Variants in RNGTT observed in about 807,000 individuals in gnomAD.
RNGTT encodes RNA guanylyltransferase and 5'-phosphatase, also known as mRNA-capping enzyme.
In RNGTT, 33 loss-of-function variants were observed where a neutral mutation model predicts 79.3. The ratio of observed to expected loss-of-function variants is 0.42; its 90% CI spans 0.32 to 0.56. The LOEUF (loss-of-function observed/expected upper bound fraction) is 0.56, where lower values mean the gene tolerates loss of function less well. Among genes scored for constraint, RNGTT ranks in the 20% least tolerant of loss-of-function variants. The probability of loss-of-function intolerance (pLI) is 0.17; values close to 1 mark genes in which losing one functional copy is unlikely to be tolerated. For missense variants in RNGTT, 497 were observed against 739.1 expected (o/e 0.67, Z 3.80); for synonymous variants, 222 against 235.9 (o/e 0.94, Z 0.54).
At chr6:88,726,810 T>C (rs1393281079) in intron 13 of RNGTT, among the ~76,000 whole-genome samples, 1 of 152,234 alleles carries the variant, frequency 6.6e-6, no homozygotes, top group African/African-American at 2.4e-5. Context: ...AATGAGGTCT[T>C]ATTAAAAGCA....
At chr6:88,736,457 T>C (rs1048678707) in intron 13 of RNGTT, among the ~76,000 whole-genome samples, 1 of 152,200 alleles carries the variant, frequency 6.6e-6, no homozygotes, top group African/African-American at 2.4e-5. Flanking sequence ...GGATATTCAC[T>C]CAGGAGAATG....
At chr6:88,844,625 T>A (rs1781428230) in intron 10 of RNGTT, 104 bp from the exon 11 acceptor site, 1 of 1,068,860 alleles carries the variant, frequency 9.4e-7, no homozygotes, top group Non-Finnish European at 1.4e-6. Flanking sequence ...GTAAACAGCA[T>A]CCTCTGGAGT....
intron 14 of RNGTT, among the ~76,000 whole-genome samples, chr6:88,650,940 A>G (rs972938108): frequency 1.3e-5 from 2 of 152,184 alleles, no homozygotes; most frequent in Non-Finnish European, 2.9e-5. Context: ...AGATAATATT[A>G]TAATAAGAAG....
intron 13 of RNGTT, among the ~76,000 whole-genome samples, chr6:88,700,983 G>C (rs576695517): frequency 2.6e-5 from 4 of 152,178 alleles, no homozygotes; most frequent in South Asian, 4.1e-4. Flanking sequence ...AAATATTGAA[G>C]TTCATGGTTA....
chr6:88,628,214 G>A (rs1772710131), intron 14 of RNGTT, among the ~76,000 whole-genome samples: 1 of 152,054 alleles, frequency 6.6e-6, no homozygotes, highest in African/African-American at 2.4e-5. Flanking sequence ...AAGCCACTCA[G>A]AAAATGTTGA....
At chr6:88,722,665 G>A (rs1462572152) in intron 13 of RNGTT, among the ~76,000 whole-genome samples, 1 of 152,134 alleles carries the variant, frequency 6.6e-6, no homozygotes, top group Non-Finnish European at 1.5e-5. Context: ...TTATTTCCAG[G>A]CTTTTGACAA....
At position 88,723,790 on chromosome 6, in the gene RNGTT, T is replaced by C. The variant is rs894400188; in HGVS notation, c.1440-45371A>G. Among the ~76,000 whole-genome samples, 8 of 152,154 alleles carry C rather than the reference T, an allele frequency of 5.3e-5. No homozygotes were observed. In the South Asian group the frequency reaches 1.5e-3, roughly 28 times the overall value. On this transcript the variant is annotated intron_variant, in intron 13 of 15. Coordinates refer to ENST00000369485, the MANE Select transcript of RNGTT (RefSeq NM_003800.5). ...CCCAGACTGGAGTGCAGTGGTGCAA[T>C]GTGGGCTCATTGCAACCTCCGCCTC...
chr6:88,650,103 G>T (rs1480935948), intron 14 of RNGTT, among the ~76,000 whole-genome samples: 1 of 152,024 alleles, frequency 6.6e-6, no homozygotes, highest in Non-Finnish European at 1.5e-5. Context: ...CTCCTAAAAG[G>T]GTCTGGGAGC....
intron 13 of RNGTT, among the ~76,000 whole-genome samples, chr6:88,745,751 A>C (rs2127827680): frequency 6.6e-6 from 1 of 151,678 alleles, no homozygotes; most frequent in South Asian, 2.1e-4. Context: ...TATCTGAAGT[A>C]TGTGTCGTAT....
chr6:88,845,157 G>T (rs1781445059), intron 10 of RNGTT, among the ~76,000 whole-genome samples: 1 of 151,330 alleles, frequency 6.6e-6, no homozygotes, highest in South Asian at 2.1e-4. Flanking sequence ...ACCAAAATAG[G>T]TCGCACAGTT....
In RNGTT at chr6:88,655,582, T is replaced by C. The variant is rs572789444; in HGVS notation, c.1506+22771A>G. 2.6e-5 allele frequency among the ~76,000 whole-genome samples: 4 copies of C among 152,324 alleles called. No homozygotes were observed. The South Asian group carries it at 6.2e-4, about 24-fold the overall frequency. ...AGACTGAGGCAGGGAATAATGTTGC[T>C]GTACTGACTGAAAAATAACTGCCTT... On this transcript the variant is annotated intron_variant, in intron 14 of 15. Coordinates refer to ENST00000369485, the MANE Select transcript of RNGTT (RefSeq NM_003800.5).
intron 8 of RNGTT, among the ~76,000 whole-genome samples, chr6:88,881,990 T>C (rs914873378): frequency 1.3e-5 from 2 of 152,172 alleles, no homozygotes; most frequent in African/African-American, 4.8e-5. Context: ...GAATGACAGA[T>C]ATTTCTCCTG....
At chr6:88,800,000 G>A (rs2127861815) in intron 12 of RNGTT, among the ~76,000 whole-genome samples, 1 of 152,098 alleles carries the variant, frequency 6.6e-6, no homozygotes, top group Admixed American at 6.5e-5. Flanking sequence ...CTAACCTCTA[G>A]TGCTCCTCCA....
intron 13 of RNGTT, among the ~76,000 whole-genome samples, chr6:88,699,057 G>T (rs1305058482): frequency 6.6e-6 from 1 of 152,134 alleles, no homozygotes; most frequent in Non-Finnish European, 1.5e-5. Flanking sequence ...TACCCTCGTG[G>T]TGAAATTAAT....
chr6:88,834,887 G>A (rs531076119), intron 11 of RNGTT, among the ~76,000 whole-genome samples: 16 of 151,878 alleles, frequency 1.1e-4, no homozygotes, highest in Non-Finnish European at 2.2e-4. Flanking sequence ...CCTGCCTAAC[G>A]AAGCATGCAA....
At chr6:88,740,666 A>T (rs1283233260) in intron 13 of RNGTT, among the ~76,000 whole-genome samples, 53 of 152,140 alleles carry the variant, frequency 3.5e-4, no homozygotes, top group Non-Finnish European at 5.9e-5. Flanking sequence ...CAGGAACAGA[A>T]AACCAAACAC....
chr6:88,668,010 C>T (rs1435253209), intron 14 of RNGTT, among the ~76,000 whole-genome samples: 1 of 152,118 alleles, frequency 6.6e-6, no homozygotes, highest in Non-Finnish European at 1.5e-5. Flanking sequence ...CCAGGCACTC[C>T]TCAGGAGCTA....
intron 14 of RNGTT, among the ~76,000 whole-genome samples, chr6:88,670,731 T>C (rs1774604465): frequency 6.6e-6 from 1 of 152,202 alleles, no homozygotes; most frequent in African/African-American, 2.4e-5. Flanking sequence ...CCATCACTGA[T>C]GCATGTAGCT....
intron 13 of RNGTT, among the ~76,000 whole-genome samples, chr6:88,756,668 G>C (rs1778027258): frequency 1.3e-5 from 2 of 152,156 alleles, no homozygotes; most frequent in Non-Finnish European, 2.9e-5. Flanking sequence ...GATTGAGTTT[G>C]ATGCTTGAAA....
Sources: gnomAD v4.1 joint callset for allele counts (sites outside exome capture counted in the v4.1 genomes callset) on GRCh38, gnomAD v4.1.1 for gene constraint, MANE v1.5 for transcripts, NCBI Gene and HGNC (gene_info 2026-07-23, HGNC 2026-07-21) for gene names.